Variants in POLK observed in about 807,000 individuals in gnomAD.
POLK encodes the protein DNA polymerase kappa.
Under a neutral mutation model 94.0 loss-of-function variants are expected in POLK, and 76 were observed. That is an observed-to-expected ratio of 0.81 (90% CI 0.67 to 0.98). The LOEUF (loss-of-function observed/expected upper bound fraction) is 0.98. POLK is among the 50% of genes least tolerant of loss of function. The pLI, the probability that POLK is intolerant of heterozygous loss-of-function variation, is 0.00. For synonymous variants in POLK, 349 were observed against 325.4 expected, an observed-to-expected ratio of 1.07 and a Z score of -0.78; for missense variants, 954 against 1,010.1, an observed-to-expected ratio of 0.94 and a Z score of 0.75.
chr5:75,546,261 T>C (rs5744587), intron 1 of POLK, among the ~76,000 whole-genome samples: 11,710 of 152,268 alleles, frequency 0.077, 541 homozygotes, highest in South Asian at 0.17. Context: ...GAAAATGTTA[T>C]TAAGAAAATC....
chr5:75,513,529 T>C (rs1048837280), intron 1 of POLK, among the ~76,000 whole-genome samples: 5 of 152,190 alleles, frequency 3.3e-5, no homozygotes, highest in Admixed American at 2.0e-4. Flanking sequence ...ATTTCAGAAA[T>C]GGAATTTCAA....
At chr5:75,552,350 A>G (rs772287489) in intron 2 of POLK, 122 bp from the exon 3 acceptor site, 76 of 793,474 alleles carry the variant, frequency 9.6e-5, no homozygotes, top group Non-Finnish European at 1.5e-4. Flanking sequence ...AGTAAGTAGT[A>G]GAGCTAAGTT....
At chr5:75,589,605 C>T (rs1348336090) in intron 10 of POLK, among the ~76,000 whole-genome samples, 3 of 151,962 alleles carry the variant, frequency 2.0e-5, no homozygotes, top group Admixed American at 2.0e-4. Context: ...CGCCCGTATA[C>T]GTGGAATATT....
At chr5:75,530,996 A>T (rs530954817) in intron 1 of POLK, among the ~76,000 whole-genome samples, 3 of 150,732 alleles carry the variant, frequency 2.0e-5, no homozygotes, top group African/African-American at 7.3e-5. Flanking sequence ...TTTAGTAGAG[A>T]CGGAGTTTCA....
chr5:75,602,467 C>T (rs1452943564), downstream of POLK, among the ~76,000 whole-genome samples: 1 of 152,144 alleles, frequency 6.6e-6, no homozygotes, highest in African/African-American at 2.4e-5. Context: ...GTGAAGACAC[C>T]TCTCTTTGAA....
chr5:75,596,670 C>T (rs1421393843), exon 13 of POLK: 32 of 1,613,762 alleles, frequency 2.0e-5, no homozygotes, highest in Non-Finnish European at 2.7e-5. Flanking sequence ...TTAAAATGTT[C>T]TCGTGTTCAC....
intron 13 of POLK, 192 bp downstream of exon 13, chr5:75,597,370 A>G (rs1773147169): frequency 3.8e-6 from 2 of 527,792 alleles, no homozygotes; most frequent in African/African-American, 3.8e-5. Flanking sequence ...ATTTGGGGAA[A>G]ACTTTGGTTT....
intron 3 of POLK, among the ~76,000 whole-genome samples, chr5:75,561,222 G>A (rs1349689370): frequency 6.6e-6 from 1 of 152,148 alleles, no homozygotes; most frequent in East Asian, 1.9e-4. Flanking sequence ...GGTGTGAGAT[G>A]GTATCTCATT....
intron 5 of POLK, among the ~76,000 whole-genome samples, chr5:75,576,375 A>G (rs1235947693): frequency 2.6e-5 from 4 of 152,218 alleles, no homozygotes; most frequent in Non-Finnish European, 4.4e-5. Context: ...ACCAAAAACA[A>G]TAAATCACAA....
chr5:75,583,954 A>G (rs1772330768), intron 8 of POLK, among the ~76,000 whole-genome samples: 1 of 152,166 alleles, frequency 6.6e-6, no homozygotes, highest in East Asian at 1.9e-4. Flanking sequence ...GCACTACTGT[A>G]TATGATGTTC....
In POLK at chr5:75,558,370, T is replaced by C. The variant is rs76414873; in HGVS notation, c.255+5779T>C. Among the ~76,000 whole-genome samples, 147 of 152,254 alleles carry C rather than the reference T, an allele frequency of 9.7e-4. 2 individuals are homozygous for C. The East Asian group carries it at 0.023, about 23-fold the overall frequency. ...ATTTGGAATTTGTTTTGATGTAAAG[T>C]GTGAAGTATGTTTTTCTTAAATGGT... On this transcript the variant is annotated intron_variant, in intron 3 of 14. Transcript: ENST00000241436.
At chr5:75,564,630 A>T (rs1157160791) in intron 3 of POLK, among the ~76,000 whole-genome samples, 1 of 152,082 alleles carries the variant, frequency 6.6e-6, no homozygotes, top group African/African-American at 2.4e-5. Flanking sequence ...AAAGGATTTT[A>T]TTTCTCCTTC....
chr5:75,580,522 GTC>G, intron 6 of POLK: 2 of 578,778 alleles, frequency 3.5e-6, no homozygotes, highest in Non-Finnish European at 2.2e-6. Flanking sequence ...TAATAATAAC[GTC>G]TCTTTTTCTT....
intron 2 of POLK, among the ~76,000 whole-genome samples, chr5:75,551,602 A>ATTT (rs533329898): frequency 4.8e-4 from 73 of 152,342 alleles, no homozygotes; most frequent in African/African-American, 1.6e-3. Flanking sequence ...CTCTAGGCAC[A>ATTT]TGAAAAGATG....
At chr5:75,588,344 A>G (rs768935624) in intron 10 of POLK, among the ~76,000 whole-genome samples, 4 of 152,208 alleles carry the variant, frequency 2.6e-5, no homozygotes, top group Non-Finnish European at 5.9e-5. Flanking sequence ...AGAACTCATA[A>G]TCAATAAAAA....
chr5:75,605,781 C>T (rs1244733631), downstream of POLK, among the ~76,000 whole-genome samples: 1 of 152,076 alleles, frequency 6.6e-6, no homozygotes, highest in African/African-American at 2.4e-5. Context: ...AGGTTTATAC[C>T]TTCAGAGCAA....
chr5:75,539,013 C>T (rs1034439579), intron 1 of POLK, among the ~76,000 whole-genome samples: 2 of 152,104 alleles, frequency 1.3e-5, no homozygotes, highest in Non-Finnish European at 2.9e-5. Context: ...CTCAGGTGAT[C>T]CACCCGCCTC....
intron 1 of POLK, among the ~76,000 whole-genome samples, chr5:75,541,762 C>T (rs924992367): frequency 1.3e-5 from 2 of 152,096 alleles, no homozygotes; most frequent in African/African-American, 4.8e-5. Flanking sequence ...ATATTAAAAG[C>T]TAAAGCTAAA....
intron 3 of POLK, among the ~76,000 whole-genome samples, chr5:75,554,435 A>G (rs1449206251): frequency 6.6e-6 from 1 of 152,012 alleles, no homozygotes; most frequent in East Asian, 1.9e-4. Flanking sequence ...ATGTTTATGT[A>G]ATCAAATCCA....
Sources: gnomAD v4.1 joint callset for allele counts (sites outside exome capture counted in the v4.1 genomes callset) on GRCh38, gnomAD v4.1.1 for gene constraint, MANE v1.5 for transcripts, NCBI Gene and HGNC (gene_info 2026-07-23, HGNC 2026-07-21) for gene names.